RIMBP2: variants seen among roughly 807,000 people sequenced by gnomAD.
RIMBP2 encodes the protein RIMS binding protein 2.
RIMBP2 carries 48 observed loss-of-function variants against 118.6 expected under a neutral mutation model. That is an observed-to-expected ratio of 0.40 (90% CI 0.32 to 0.51). The LOEUF (loss-of-function observed/expected upper bound fraction) is 0.51. Among genes scored for constraint, RIMBP2 ranks in the 20% least tolerant of loss-of-function variants. The pLI is 0.41. For missense variants in RIMBP2, 1,551 were observed against 1,768.3 expected, an observed-to-expected ratio of 0.88 and a Z score of 2.20; for synonymous variants, 762 against 742.9, an observed-to-expected ratio of 1.03 and a Z score of -0.42.
chr12:130,538,341 A>C (rs908831049), intron 2 of RIMBP2, among the ~76,000 whole-genome samples: 1 of 41,742 alleles, frequency 2.4e-5, no homozygotes, highest in African/African-American at 1.7e-4. Flanking sequence ...GCATTTCCAC[A>C]GTCACAATTA....
intron 2 of RIMBP2, among the ~76,000 whole-genome samples, chr12:130,580,719 C>G (rs2058414774): frequency 6.6e-6 from 1 of 152,136 alleles, no homozygotes; most frequent in Non-Finnish European, 1.5e-5. Context: ...GCAGGCAGAT[C>G]ACTTGGGGTC....
chr12:130,608,107 G>A (rs908195470), intron 2 of RIMBP2, among the ~76,000 whole-genome samples: 10 of 152,210 alleles, frequency 6.6e-5, no homozygotes, highest in African/African-American at 2.4e-4. Context: ...AACCTTCCAT[G>A]TCTGACCTCC....
intron 2 of RIMBP2, among the ~76,000 whole-genome samples, chr12:130,595,617 C>T (rs1375181968): frequency 4.6e-5 from 7 of 152,182 alleles, no homozygotes; most frequent in Non-Finnish European, 1.0e-4. Flanking sequence ...AAGCATCTCT[C>T]CTTGCCTTGA....
rs947451778 is a variant in RIMBP2, at chr12:130,488,264, A to G, written c.-3-9248T>C. On this transcript the variant is annotated intron_variant, in intron 4 of 22. Transcript: ENST00000690449. ...TGGCGGAGTTAGTCACGCAGCTATA[A>G]TAAAACATCTCTCGGAGATGGGCTT... Among the ~76,000 whole-genome samples, 32 of 152,106 alleles carry G rather than the reference A, an allele frequency of 2.1e-4. 1 individual carries two copies. The highest frequency in any genetic ancestry group is 6.6e-5 in the Admixed American group (1 of 15,264).
In RIMBP2 at chr12:130,424,049, A is replaced by T. The variant is rs2076596760; in HGVS notation, c.3129+93T>A. On this transcript the variant is annotated intron_variant, in intron 16 of 22. Coordinates refer to ENST00000690449, the MANE Select transcript of RIMBP2 (RefSeq NM_001393629.1). This position sits in a 1 kb window ranked among gnomAD's most constrained non-coding sequence, Gnocchi z 9.8. ...AAAGACAGCCAGCAAGAGAGTCCCC[A>T]GGGATGGACACCAGAACAAACAGAA... 2 of 645,708 alleles carry T rather than the reference A, an allele frequency of 3.1e-6. No individual in the cohort carries two copies. The highest frequency in any genetic ancestry group is 4.4e-6 in the Non-Finnish European group (2 of 452,324). The allele number at this position is 645,708 out of a possible 1,614,324, so 40.0% of individuals were successfully genotyped here.
At position 130,539,649 on chromosome 12, in the gene RIMBP2, G is replaced by A. The variant is rs370307789; in HGVS notation, c.-216-21732C>T. On this transcript the variant is annotated intron_variant, in intron 2 of 22. Coordinates refer to ENST00000690449, the MANE Select transcript of RIMBP2 (RefSeq NM_001393629.1). ...GGTGTAGGATATGGCAAATGCAGTC[G>A]ATGAGGTGGCCAGGTGTAGGATATG... Among the ~76,000 whole-genome samples, 721 of 143,642 alleles carry A rather than the reference G, an allele frequency of 5.0e-3. 6 individuals are homozygous for A. Among genetic ancestry groups the A allele is most frequent in the African/African-American group, 0.018 (693 of 38,488 alleles). The allele number at this position is 143,642 out of a possible 152,430, so 94.2% of individuals were successfully genotyped here.
chr12:130,564,331 G>GTT (rs3996429), intron 2 of RIMBP2, among the ~76,000 whole-genome samples: 83,016 of 151,640 alleles, frequency 0.55, 23,112 homozygotes, highest in East Asian at 0.65. Flanking sequence ...TCAGCACTGT[G>GTT]TTTTTTTCCC....
intron 1 of RIMBP2, among the ~76,000 whole-genome samples, chr12:130,715,175 CAG>C (rs1477408528): frequency 6.6e-6 from 1 of 152,256 alleles, no homozygotes; most frequent in African/African-American, 2.4e-5. Context: ...CCCTTGTGAG[CAG>C]AGTCTCCTTC....
chr12:130,611,164 C>G (rs921009333), intron 2 of RIMBP2, among the ~76,000 whole-genome samples: 2 of 152,208 alleles, frequency 1.3e-5, no homozygotes, highest in East Asian at 3.9e-4. Flanking sequence ...ACATGGGCTC[C>G]GGCCTCCAGG....
chr12:130,679,290 C>T (rs2064655449), intron 1 of RIMBP2, among the ~76,000 whole-genome samples: 1 of 152,172 alleles, frequency 6.6e-6, no homozygotes, highest in African/African-American at 2.4e-5. Context: ...CCCCTTTATC[C>T]AGTACAGAGC....
intron 2 of RIMBP2, among the ~76,000 whole-genome samples, chr12:130,574,966 ACCGCC>A (rs2057973729): frequency 3.5e-4 from 28 of 79,052 alleles, no homozygotes; most frequent in African/African-American, 7.4e-4. Flanking sequence ...CACACCCCCC[ACCGCC>A]ACCCCCACCC....
intron 2 of RIMBP2, among the ~76,000 whole-genome samples, chr12:130,586,523 A>G (rs1383409428): frequency 6.6e-6 from 1 of 152,140 alleles, no homozygotes; most frequent in Non-Finnish European, 1.5e-5. Context: ...AAATAACGCC[A>G]CATATCTACA....
chr12:130,486,363 G>A (rs1412874364), intron 4 of RIMBP2, among the ~76,000 whole-genome samples: 1 of 152,098 alleles, frequency 6.6e-6, no homozygotes, highest in African/African-American at 2.4e-5. Flanking sequence ...TCTAAATCCT[G>A]GAGGGGCCAC....
rs780228912 is a variant in RIMBP2 at position 130,414,203 on chromosome 12, G to T, written c.3342C>A (p.Asp1114Glu). ...TTGGGGACATGGTGAGCGGGTCGTAGTCAAAGAGAGCCACAAAGATCCGGG... is the reference window on the plus strand; with the variant it reads ...TTGGGGACATGGTGAGCGGGTCGTATTCAAAGAGAGCCACAAAGATCCGGG... Reference protein sequence around the residue: ...LPARIFVALFDYDPLTMSPNP... With the variant: ...LPARIFVALFEYDPLTMSPNP... The change falls in exon 18 of 23, where the codon GAC (aspartate) becomes GAA (glutamate). Residue 1114 changes from aspartate (D) to glutamate (E), a missense_variant. Around this residue, in one of 5 missense-constraint regions of RIMBP2, gnomAD observed 1,038 missense variants for 1,125.1 expected, o/e 0.92. Coordinates refer to ENST00000690449, the MANE Select transcript of RIMBP2 (RefSeq NM_001393629.1). The T allele has an allele frequency of 6.2e-7, 1 of 1,614,230 alleles. No individual in the cohort carries two copies. Among genetic ancestry groups the T allele is most frequent in the South Asian group, 1.1e-5 (1 of 91,084 alleles).
At chr12:130,642,659 A>G (rs1405000098) in intron 1 of RIMBP2, among the ~76,000 whole-genome samples, 1 of 152,236 alleles carries the variant, frequency 6.6e-6, no homozygotes, top group African/African-American at 2.4e-5. Flanking sequence ...CACATCGACT[A>G]ACATGCATCT....
chr12:130,669,315 A>T (rs898645842), intron 1 of RIMBP2: 1 of 152,216 alleles, frequency 6.6e-6, no homozygotes, highest in African/African-American at 2.4e-5. Flanking sequence ...AGTAGCTTGC[A>T]CTAACAAGAT....
At chr12:130,644,286 G>A (rs568136789) in intron 1 of RIMBP2, among the ~76,000 whole-genome samples, 152 of 152,296 alleles carry the variant, frequency 1.0e-3, no homozygotes, top group African/African-American at 2.3e-3. Flanking sequence ...AACACACCAC[G>A]TCCTGCCCCG....
intron 2 of RIMBP2, among the ~76,000 whole-genome samples, chr12:130,618,187 T>A (rs757096955): frequency 9.9e-5 from 15 of 152,130 alleles, no homozygotes; most frequent in Non-Finnish European, 1.9e-4. Context: ...GGCCTAATAT[T>A]AATGTATTAT....
chr12:130,642,641 C>T (rs1022618900), intron 1 of RIMBP2, among the ~76,000 whole-genome samples: 15 of 152,202 alleles, frequency 9.9e-5, no homozygotes, highest in African/African-American at 3.1e-4. Context: ...TTTATTACTT[C>T]GACAACCCAC....
Sources: gnomAD v4.1 joint callset for allele counts (sites outside exome capture counted in the v4.1 genomes callset) on GRCh38, gnomAD v4.1.1 for gene constraint, gnomAD v4.1.1 regional missense constraint, Gnocchi (gnomAD v3.1) non-coding constraint, MANE v1.5 for transcripts, NCBI Gene and HGNC (gene_info 2026-07-23, HGNC 2026-07-21) for gene names.